F9: variants seen among roughly 807,000 people sequenced by gnomAD.
The protein encoded by F9 is Christmas factor.
F9 carries 2 observed loss-of-function variants against 34.1 expected under a neutral mutation model. The ratio of observed to expected loss-of-function variants is 0.06; its 90% CI spans 0.02 to 0.18. F9 has a LOEUF of 0.18. F9 is among the 10% of genes least tolerant of loss of function. The probability of loss-of-function intolerance (pLI) is 1.00; values close to 1 mark genes in which losing one functional copy is unlikely to be tolerated. For missense variants in F9, 216 were observed against 345.1 expected (o/e 0.63, Z 2.96); for synonymous variants, 137 against 118.8 (o/e 1.15, Z -1.00).
chrX:139,546,387 C>T (rs974118718), intron 4 of F9, among the ~76,000 whole-genome samples: 3 of 111,683 alleles, frequency 2.7e-5, no homozygotes, highest in Non-Finnish European at 3.8e-5. Flanking sequence ...TAAAGACTTC[C>T]AGATTCTACT....
intron 7 of F9, among the ~76,000 whole-genome samples, chrX:139,561,299 G>T (rs748658376): frequency 8.9e-6 from 1 of 111,972 alleles, no homozygotes; most frequent in Non-Finnish European, 1.9e-5. Flanking sequence ...CCAATGAAAG[G>T]CTTATAACAG....
At position 139,560,852 on chromosome X, in the gene F9, G is replaced by T; in HGVS notation, c.835G>T (p.Ala279Ser). The T allele has an allele frequency of 1.7e-6, 2 of 1,164,078 alleles. No individual in the cohort carries two copies. The highest frequency in any genetic ancestry group is 1.8e-5 in the South Asian group (1 of 55,872). The change falls in exon 7 of 8, where the codon GCA becomes TCA. Residue 279 changes from alanine to serine, a missense_variant. By Grantham distance (99) the Ala-to-Ser change is moderately conservative. Transcript: ENST00000218099. ...AACTGGTGTTAAAATTACAGTTGTC[G>T]CAGGTAAATACACAGAAAGAATAAT... ...VETGVKITVV[A>S]GEHNIEETEH...
At position 139,561,951 on chromosome X, in the gene F9, C is replaced by A; in HGVS notation, c.1266C>A (p.Thr422=). The part of the protein sequence containing the change: ...GGPHVTEVEG[T]SFLTGIISWG... ...CCCATGTTACTGAAGTGGAAGGGACCAGTTTCTTAACTGGAATTATTAGCT... is the reference window on the plus strand; with the variant it reads ...CCCATGTTACTGAAGTGGAAGGGACAAGTTTCTTAACTGGAATTATTAGCT... Residue 422 remains threonine (T), a synonymous_variant, in exon 8 of 8, where the codon ACC becomes ACA. Transcript: ENST00000218099. The A allele has an allele frequency of 8.3e-7, 1 of 1,211,291 alleles. No individual in the cohort carries two copies. The highest frequency in any genetic ancestry group is 1.7e-5 in the African/African-American group (1 of 57,749).
rs900302000 is a variant in F9, at chrX:139,561,894, T to C, written c.1209T>C (p.Gly403=). 5 of 1,211,002 alleles carry C rather than the reference T, an allele frequency of 4.1e-6. No homozygotes were observed. Among genetic ancestry groups the C allele is most frequent in the East Asian group, 3.0e-5 (1 of 33,810 alleles). The change falls in exon 8 of 8, where the codon GGT becomes GGC. Residue 403 remains glycine, a synonymous_variant. Transcript: ENST00000218099. ...NMFCAGFHEG[G]RDSCQGDSGG... ...TCTGTGCTGGCTTCCATGAAGGAGG[T>C]AGAGATTCATGTCAAGGAGATAGTG...
chrX:139,538,577 G>A (rs2148356886), intron 3 of F9, among the ~76,000 whole-genome samples: 1 of 111,648 alleles, frequency 9.0e-6, no homozygotes, highest in South Asian at 3.8e-4. Context: ...GAGAGAAAAA[G>A]AGTTGACTCT....
chrX:139,557,263 C>T (rs1603266685), intron 6 of F9, among the ~76,000 whole-genome samples: 1 of 112,061 alleles, frequency 8.9e-6, no homozygotes, highest in South Asian at 3.8e-4. Context: ...ACCGAGCAGA[C>T]ATCTCATACC....
At chrX:139,543,505 ACT>A (rs1927650465) in intron 4 of F9, among the ~76,000 whole-genome samples, 1 of 112,343 alleles carries the variant, frequency 8.9e-6, no homozygotes, top group Non-Finnish European at 1.9e-5. Context: ...CACAGACACT[ACT>A]GTCTTATTTA....
At chrX:139,542,870 T>C (rs999582869) in intron 4 of F9, among the ~76,000 whole-genome samples, 15 of 111,130 alleles carry the variant, frequency 1.3e-4, no homozygotes, top group Admixed American at 5.8e-4. Context: ...GCAGTTGTAC[T>C]GCAGCCACCA....
At chrX:139,551,652 G>C (rs971030204) in intron 6 of F9, among the ~76,000 whole-genome samples, 1 of 111,051 alleles carries the variant, frequency 9.0e-6, no homozygotes, top group Non-Finnish European at 1.9e-5. Flanking sequence ...TTATTTAAAA[G>C]GGGGTAAAGA....
intron 4 of F9, among the ~76,000 whole-genome samples, chrX:139,546,152 C>T (rs1381433994): frequency 1.8e-5 from 2 of 111,511 alleles, no homozygotes; most frequent in South Asian, 3.8e-4. Flanking sequence ...ACTTAGCTCC[C>T]GCTTACAAGT....
In F9 at chrX:139,562,438, CA is replaced by C; in HGVS notation, c.*371del. 1 of 237,855 alleles carries C rather than the reference CA, an allele frequency of 4.2e-6. No individual in the cohort carries two copies. Among genetic ancestry groups the C allele is most frequent in the Non-Finnish European group, 7.6e-6 (1 of 131,195 alleles). 19.6% of individuals were successfully genotyped at this position (237,855 alleles called of 1,213,427 possible). ...TCCCGATCTTCTTTGCTTCTCCAAC[CA>C]AAACATCAATGTTTATTAGTTCTGT... is the stretch of plus-strand genomic sequence containing the variant. On this transcript the variant is annotated 3_prime_UTR_variant, in exon 8 of 8. Transcript: ENST00000218099.
intron 1 of F9, 128 bp downstream of exon 1, chrX:139,530,980 C>T: frequency 1.7e-6 from 1 of 581,457 alleles, no homozygotes; most frequent in Non-Finnish European, 2.9e-6. Context: ...TAACAGCCAG[C>T]ACGCAGGTTG....
chrX:139,536,226 T>C lies in F9; in HGVS notation c.89-784T>C, dbSNP rs1216199852. 2.3e-4 allele frequency among the ~76,000 whole-genome samples: 24 copies of C among 104,235 alleles called. No homozygotes were observed. The Admixed American group carries it at 2.4e-3, about 10-fold the overall frequency. The allele number at this position is 104,235 out of a possible 115,157, so 90.5% of individuals were successfully genotyped here. ...ACATATATACACACACATATATATGTACACACATATATGTATATATATGTA... is the reference window on the plus strand; with the variant it reads ...ACATATATACACACACATATATATGCACACACATATATGTATATATATGTA... On this transcript the variant is annotated intron_variant, in intron 1 of 7. Coordinates refer to ENST00000218099, the MANE Select transcript of F9 (RefSeq NM_000133.4).
At chrX:139,551,354 C>T in intron 6 of F9, 90 bp downstream of exon 6, 1 of 805,127 alleles carries the variant, frequency 1.2e-6, no homozygotes, top group African/African-American at 2.0e-5. Flanking sequence ...CTAGACAGAC[C>T]TATTGGGATG....
Position 139,560,825 on chromosome X carries a change from G to A in F9, c.808G>A (p.Glu270Lys), listed in dbSNP as rs369663799. Residue 270 changes from glutamate to lysine, a missense_variant, in exon 7 of 8, where the codon GAA becomes AAA. Transcript: ENST00000218099. ...GATTGTAACTGCTGCCCACTGTGTT[G>A]AAACTGGTGTTAAAATTACAGTTGT... Reference protein sequence around the residue: ...KWIVTAAHCVETGVKITVVAG... With the variant: ...KWIVTAAHCVKTGVKITVVAG... 2.5e-6 allele frequency: 3 copies of A among 1,206,098 alleles called. No individual in the cohort carries two copies. Among genetic ancestry groups the A allele is most frequent in the Non-Finnish European group, 3.4e-6 (3 of 890,414 alleles).
At chrX:139,543,371 T>TAAGA (rs1238799836) in intron 4 of F9, among the ~76,000 whole-genome samples, 6 of 111,590 alleles carry the variant, frequency 5.4e-5, no homozygotes, top group Admixed American at 1.9e-4. Context: ...TGAAGGTCTG[T>TAAGA]AAGAATTTGG....
At chrX:139,540,177 C>T (rs1013326020) in intron 3 of F9, among the ~76,000 whole-genome samples, 29 of 111,349 alleles carry the variant, frequency 2.6e-4, no homozygotes, top group African/African-American at 9.5e-4. Context: ...TCTCCCAAAG[C>T]TCCTTTAGAA....
intron 3 of F9, among the ~76,000 whole-genome samples, chrX:139,540,433 C>T (rs774102308): frequency 8.9e-6 from 1 of 112,125 alleles, no homozygotes; most frequent in Non-Finnish European, 1.9e-5. Context: ...CTGTCTCTCA[C>T]ATTACCTAGA....
At chrX:139,536,216 C>CATATATATGTCCACACATATATGT (rs1927464658) in intron 1 of F9, among the ~76,000 whole-genome samples, 1 of 89,257 alleles carries the variant, frequency 1.1e-5, no homozygotes, top group Non-Finnish European at 2.3e-5. Context: ...TATACACACA[C>CATATATATGTCCACACATATATGT]ATATATATGT....
Sources: gnomAD v4.1 joint callset for allele counts (sites outside exome capture counted in the v4.1 genomes callset) on GRCh38, gnomAD v4.1.1 for gene constraint, MANE v1.5 for transcripts, NCBI Gene and HGNC (gene_info 2026-07-23, HGNC 2026-07-21) for gene names.